RGS10: variants seen among roughly 807,000 people sequenced by gnomAD.
RGS10 encodes the protein regulator of G-protein signalling 10.
Under a neutral mutation model 23.5 loss-of-function variants are expected in RGS10, and 11 were observed. That is an observed-to-expected ratio of 0.47 (90% confidence interval 0.29 to 0.77). The LOEUF (loss-of-function observed/expected upper bound fraction) is 0.77. Among genes scored for constraint, RGS10 ranks in the 30% least tolerant of loss-of-function variants. RGS10 has a pLI of 0.08. For missense variants in RGS10, 180 were observed against 226.3 expected (o/e 0.80, Z 1.31); for synonymous variants, 77 against 83.2 (o/e 0.92, Z 0.41).
Position 119,531,368 on chromosome 10 carries a change from G to T in RGS10, c.50-3944C>A, listed in dbSNP as rs539194627. Among the ~76,000 whole-genome samples the T allele has an allele frequency of 5.9e-4, 90 of 152,258 alleles. 1 individual carries two copies. The highest frequency in any genetic ancestry group is 2.1e-3 in the African/African-American group (89 of 41,548). ...GGTCTGAAAGGATTCCAAAACTCTT[G>T]ACATTCTTTTCCATAATAAACCAGA... On this transcript the variant is annotated intron_variant, in intron 1 of 4. Coordinates refer to ENST00000369103, the MANE Select transcript of RGS10 (RefSeq NM_001005339.2).
intron 2 of RGS10, among the ~76,000 whole-genome samples, chr10:119,526,494 A>C (rs566751237): frequency 6.6e-6 from 1 of 152,358 alleles, no homozygotes; most frequent in South Asian, 2.1e-4. Flanking sequence ...AAAGAAAAGA[A>C]AGCACATTAA....
At position 119,532,078 on chromosome 10, in the gene RGS10, C is replaced by G. The variant is rs1182234451; in HGVS notation, c.50-4654G>C. Among the ~76,000 whole-genome samples the G allele has an allele frequency of 2.0e-5, 3 of 152,162 alleles. No individual in the cohort carries two copies. The East Asian group carries it at 5.8e-4, about 29-fold the overall frequency. On this transcript the variant is annotated intron_variant, in intron 1 of 4. Transcript: ENST00000369103. ...TAAGTGGAATAGAAGATCCTTCTAT[C>G]TGAGATACCTGCTCTCTATCTGTCA...
chr10:119,515,362 A>C (rs1405750362), intron 4 of RGS10, 147 bp downstream of exon 4: 3 of 917,628 alleles, frequency 3.3e-6, no homozygotes, highest in Non-Finnish European at 5.0e-6. Context: ...CACTCTCCCC[A>C]ACCATGGCCC....
In RGS10 at chr10:119,524,205, C is replaced by G. The variant is rs1844247983; in HGVS notation, c.255+1827G>C. ...CCGTTCCCTGGAGCCGCTCACCTGT[C>G]CTGTCCCTGGGCTGCCTTCCTGTTC... On this transcript the variant is annotated intron_variant, in intron 3 of 4. Coordinates refer to ENST00000369103, the MANE Select transcript of RGS10 (RefSeq NM_001005339.2). This position sits in a 1 kb window ranked among gnomAD's most constrained non-coding sequence, Gnocchi z 5.2. Among the ~76,000 whole-genome samples, 1 of 152,204 alleles carries G rather than the reference C, an allele frequency of 6.6e-6. No individual in the cohort carries two copies.
chr10:119,527,497 C>T lies in RGS10; in HGVS notation c.50-73G>A. Reference sequence around the variant, plus strand: ...TTTTAAGAAATCTGCATGCAATGGTCAGCACTGCCGTCACCATCACGGCTG... The same window carrying T: ...TTTTAAGAAATCTGCATGCAATGGTTAGCACTGCCGTCACCATCACGGCTG... On this transcript the variant is annotated intron_variant, in intron 1 of 4. Coordinates refer to ENST00000369103, the MANE Select transcript of RGS10 (RefSeq NM_001005339.2). This position sits in a 1 kb window ranked among gnomAD's most constrained non-coding sequence, Gnocchi z 4.2. The T allele has an allele frequency of 8.9e-7, 1 of 1,121,310 alleles. No homozygotes were observed. Among genetic ancestry groups the T allele is most frequent in the Non-Finnish European group, 1.4e-6 (1 of 736,836 alleles). 69.5% of individuals were successfully genotyped at this position (1,121,310 alleles called of 1,614,324 possible).
intron 1 of RGS10, 93 bp downstream of exon 1, chr10:119,542,497 C>T (rs1844444880): frequency 2.6e-6 from 3 of 1,168,964 alleles, no homozygotes; most frequent in Non-Finnish European, 3.3e-6. Context: ...GAGGTACCAC[C>T]GAGCCGCGCC....
At chr10:119,511,461 A>C (rs1201798745) in intron 4 of RGS10, among the ~76,000 whole-genome samples, 1 of 152,148 alleles carries the variant, frequency 6.6e-6, no homozygotes, top group Non-Finnish European at 1.5e-5. Flanking sequence ...TCTACTAAAA[A>C]TACAAAAATT....
intron 1 of RGS10, among the ~76,000 whole-genome samples, chr10:119,541,185 A>G (rs1055322998): frequency 2.0e-5 from 3 of 152,216 alleles, no homozygotes; most frequent in Non-Finnish European, 4.4e-5. Flanking sequence ...GGTTAGAACC[A>G]AGAGTTTAAT....
In RGS10 at chr10:119,515,491, G is replaced by GC. The variant is rs1256982750; in HGVS notation, c.399+17dup. ...TGTAGGTTTTCAAATCAAGGTGCAG[G>GC]CAGGGAAGTCGGGTTACCTGGTCCT... is the stretch of plus-strand genomic sequence containing the variant. On this transcript the variant is annotated intron_variant, in intron 4 of 4. Coordinates refer to ENST00000369103, the MANE Select transcript of RGS10 (RefSeq NM_001005339.2). 6.2e-7 allele frequency: 1 copy of GC among 1,613,876 alleles called. No homozygotes were observed. The highest frequency in any genetic ancestry group is 1.7e-5 in the Admixed American group (1 of 59,996).
intron 1 of RGS10, among the ~76,000 whole-genome samples, chr10:119,532,441 G>A (rs1196252055): frequency 2.0e-5 from 3 of 152,142 alleles, no homozygotes; most frequent in Admixed American, 6.5e-5. Flanking sequence ...ACCCGTGGGC[G>A]CGGTGGCTCA....
intron 1 of RGS10, among the ~76,000 whole-genome samples, chr10:119,539,636 G>C (rs1844419577): frequency 6.6e-6 from 1 of 152,172 alleles, no homozygotes; most frequent in Non-Finnish European, 1.5e-5. Context: ...GTCTGGGCAA[G>C]GCCTGAGAAG....
intron 3 of RGS10, among the ~76,000 whole-genome samples, chr10:119,518,955 C>T (rs1844177750): frequency 6.6e-6 from 1 of 152,220 alleles, no homozygotes; most frequent in Non-Finnish European, 1.5e-5. Context: ...ATCCACCTGC[C>T]TCAGCCTCCC....
chr10:119,532,624 A>G (rs1361980426), intron 1 of RGS10, among the ~76,000 whole-genome samples: 1 of 152,078 alleles, frequency 6.6e-6, no homozygotes, highest in African/African-American at 2.4e-5. Flanking sequence ...GGCAGATCAC[A>G]AAGTCAGGAG....
intron 4 of RGS10, among the ~76,000 whole-genome samples, chr10:119,505,393 C>G (rs1036887149): frequency 2.0e-5 from 3 of 150,498 alleles, no homozygotes. Flanking sequence ...TTTGGCAGCC[C>G]CACATCTGCA....
chr10:119,522,457 G>A (rs1280673058), intron 3 of RGS10, among the ~76,000 whole-genome samples: 5 of 152,292 alleles, frequency 3.3e-5, no homozygotes, highest in South Asian at 4.1e-4. Context: ...GGTGGCTCAC[G>A]TCTGTAGTCC....
chr10:119,526,340 G>C lies in RGS10; in HGVS notation c.169-222C>G, dbSNP rs561945594. ...AATGGTTTTGACATTGTAAAGAAGA[G>C]TACAAATGAAGCAGGAATGTACTCA... On this transcript the variant is annotated intron_variant, in intron 2 of 4. Transcript: ENST00000369103. Among the ~76,000 whole-genome samples, 35 of 152,274 alleles carry C rather than the reference G, an allele frequency of 2.3e-4. 1 individual carries two copies. The highest frequency in any genetic ancestry group is 4.3e-4 in the Non-Finnish European group (29 of 68,020).
chr10:119,513,775 AG>A (rs1844106103), intron 4 of RGS10, among the ~76,000 whole-genome samples: 1 of 152,156 alleles, frequency 6.6e-6, no homozygotes, highest in Non-Finnish European at 1.5e-5. Context: ...CCTCTGCTCC[AG>A]GGGCCTCACC....
intron 4 of RGS10, among the ~76,000 whole-genome samples, chr10:119,502,477 C>T (rs1271536576): frequency 2.6e-5 from 4 of 152,200 alleles, no homozygotes; most frequent in African/African-American, 9.7e-5. Context: ...GCGACCCAAG[C>T]GTCTCGTGTG....
Position 119,499,894 on chromosome 10 carries a change from T to A in RGS10, c.*219A>T. ...TGTCCAGTGTTGAAGGAATCTCTGTTTTGTAAACTAAAACTTCCAAGTTAT... is the reference window on the plus strand; with the variant it reads ...TGTCCAGTGTTGAAGGAATCTCTGTATTGTAAACTAAAACTTCCAAGTTAT... On this transcript the variant is annotated 3_prime_UTR_variant, in exon 5 of 5. Coordinates refer to ENST00000369103, the MANE Select transcript of RGS10 (RefSeq NM_001005339.2). 2.0e-6 allele frequency: 1 copy of A among 498,944 alleles called. No homozygotes were observed. Among genetic ancestry groups the A allele is most frequent in the South Asian group, 2.9e-5 (1 of 34,648 alleles). 30.9% of individuals were successfully genotyped at this position (498,944 alleles called of 1,614,324 possible). A position where few individuals can be genotyped will look rare whatever the true frequency, so the allele number is the denominator to read the frequency against.
Sources: gnomAD v4.1 joint callset for allele counts (sites outside exome capture counted in the v4.1 genomes callset) on GRCh38, gnomAD v4.1.1 for gene constraint, Gnocchi (gnomAD v3.1) non-coding constraint, MANE v1.5 for transcripts, NCBI Gene and HGNC (gene_info 2026-07-23, HGNC 2026-07-21) for gene names.